EML5: variants seen among roughly 807,000 people sequenced by gnomAD.
The protein encoded by EML5 is echinoderm microtubule-associated protein-like 5.
EML5 carries 120 observed loss-of-function variants against 250.0 expected under a neutral mutation model. The observed-to-expected ratio is 0.48, with a 90% CI of 0.41 to 0.56. The LOEUF is 0.56. Among genes scored for constraint, EML5 ranks in the 20% least tolerant of loss-of-function variants. The pLI, the probability that EML5 is intolerant of heterozygous loss-of-function variation, is 0.00. For missense variants in EML5, 2,006 were observed against 2,437.6 expected, an observed-to-expected ratio of 0.82 and a Z score of 3.73; for synonymous variants, 771 against 806.5, an observed-to-expected ratio of 0.96 and a Z score of 0.75.
At chr14:88,714,206 T>C (rs1022887443) in intron 9 of EML5, among the ~76,000 whole-genome samples, 2 of 152,200 alleles carry the variant, frequency 1.3e-5, no homozygotes, top group Admixed American at 1.3e-4. Flanking sequence ...TTATATTCAC[T>C]TAATTAGTTC....
At chr14:88,704,183 A>G (rs1007799795) in intron 13 of EML5, among the ~76,000 whole-genome samples, 5 of 152,084 alleles carry the variant, frequency 3.3e-5, no homozygotes, top group Non-Finnish European at 7.4e-5. Flanking sequence ...CCCCTTGGTG[A>G]TGAGTGAGTT....
At chr14:88,631,239 G>A (rs752354768) in intron 33 of EML5, among the ~76,000 whole-genome samples, 7 of 152,264 alleles carry the variant, frequency 4.6e-5, no homozygotes, top group East Asian at 3.9e-4. Context: ...TTTGAGACAA[G>A]GTCTCACTCT....
rs748396293 is a variant in EML5, at chr14:88,616,826, T to A, written c.5696A>T (p.Asp1899Val). 22 of 1,613,826 alleles carry A rather than the reference T, an allele frequency of 1.4e-5. No individual in the cohort carries two copies. The highest frequency in any genetic ancestry group is 1.8e-5 in the Non-Finnish European group (21 of 1,179,858). Residue 1899 changes from aspartate (D) to valine (V), a missense_variant, in exon 42 of 44, where the codon GAT becomes GTT. Physicochemically the swap from Asp to Val is radical, Grantham distance 152 (BLOSUM62 -3). This residue lies in a region of EML5 where 405 missense variants were observed against 523.3 expected (regional missense o/e 0.77). Coordinates refer to ENST00000554922, the MANE Select transcript of EML5 (RefSeq NM_183387.3). Reference sequence around the variant, plus strand: ...ATGAGATACACAGGCACAGTTGACATCAGCTTTCTCAGCATGTCTGGACCA... The same window carrying A: ...ATGAGATACACAGGCACAGTTGACAACAGCTTTCTCAGCATGTCTGGACCA... ...GIWSRHAEKADVNCACVSHSG... is the reference protein window; with the variant it reads ...GIWSRHAEKAVVNCACVSHSG...
At chr14:88,623,017 C>CT (rs33958046) in intron 36 of EML5, 69,864 of 150,488 alleles carry the variant, frequency 0.46, 17,062 homozygotes, top group East Asian at 0.8. Context: ...TCTCATAATA[C>CT]TTTTTTTTTT....
At chr14:88,772,992 C>G (rs2094409785) in intron 1 of EML5, among the ~76,000 whole-genome samples, 1 of 152,204 alleles carries the variant, frequency 6.6e-6, no homozygotes, top group Admixed American at 6.5e-5. Context: ...CCTAGTCATC[C>G]CAACATATTC....
chr14:88,719,087 A>C (rs1370536497), intron 8 of EML5, among the ~76,000 whole-genome samples: 1 of 152,156 alleles, frequency 6.6e-6, no homozygotes, highest in African/African-American at 2.4e-5. Context: ...CATTGGTAGA[A>C]TCTAAAATGA....
In EML5 at chr14:88,754,576, A is replaced by G. The variant is rs746509622; in HGVS notation, c.293T>C (p.Ile98Thr). 4 of 1,613,528 alleles carry G rather than the reference A, an allele frequency of 2.5e-6. No individual in the cohort carries two copies. Among genetic ancestry groups the G allele is most frequent in the Non-Finnish European group, 3.4e-6 (4 of 1,179,726 alleles). ...CIWDSYTVQTISVLKDVHTHG... is the reference protein window; with the variant it reads ...CIWDSYTVQTTSVLKDVHTHG... ...TGTATGAACATCCTTTAAAACTGATATGGTCTGCACAGTGTATGAATCCCA... is the reference window on the plus strand; with the variant it reads ...TGTATGAACATCCTTTAAAACTGATGTGGTCTGCACAGTGTATGAATCCCA... Residue 98 changes from isoleucine to threonine, a missense_variant, in exon 2 of 44, where the codon ATA (isoleucine) becomes ACA (threonine). Physicochemically the swap from Ile to Thr is moderately conservative, Grantham distance 89 (BLOSUM62 -1). Coordinates refer to ENST00000554922, the MANE Select transcript of EML5 (RefSeq NM_183387.3).
intron 1 of EML5, among the ~76,000 whole-genome samples, chr14:88,791,073 A>G (rs2140901047): frequency 6.6e-6 from 1 of 151,128 alleles, no homozygotes; most frequent in East Asian, 1.9e-4. Context: ...TTACTCTGCA[A>G]TCTCAATTTT....
At chr14:88,647,733 CAG>C (rs918521607) in intron 28 of EML5, among the ~76,000 whole-genome samples, 2 of 111,032 alleles carry the variant, frequency 1.8e-5, no homozygotes, top group African/African-American at 6.9e-5. Flanking sequence ...TAATTAATAA[CAG>C]GGAATCACAA....
At chr14:88,734,399 G>A (rs996441040) in intron 7 of EML5, among the ~76,000 whole-genome samples, 19 of 152,040 alleles carry the variant, frequency 1.2e-4, no homozygotes, top group African/African-American at 4.1e-4. Flanking sequence ...CATTCTCAAC[G>A]GGGGCAATAT....
intron 21 of EML5, among the ~76,000 whole-genome samples, chr14:88,678,150 T>C (rs961331615): frequency 1.3e-5 from 2 of 152,104 alleles, no homozygotes; most frequent in African/African-American, 2.4e-5. Context: ...GGGGACATGA[T>C]GGAGCTGGAA....
chr14:88,727,896 AGAT>A (rs1338993305), intron 7 of EML5, among the ~76,000 whole-genome samples: 1 of 152,242 alleles, frequency 6.6e-6, no homozygotes, highest in African/African-American at 2.4e-5. Context: ...ACAACAAAAA[AGAT>A]AACTAGAAGA....
intron 7 of EML5, among the ~76,000 whole-genome samples, chr14:88,731,667 C>T (rs1466377412): frequency 2.0e-5 from 3 of 152,118 alleles, no homozygotes; most frequent in Non-Finnish European, 2.9e-5. Context: ...ATGGTTGAAC[C>T]AGTTTACAGT....
chr14:88,696,210 TA>T (rs1487758516), intron 15 of EML5, among the ~76,000 whole-genome samples: 2 of 151,842 alleles, frequency 1.3e-5, no homozygotes, highest in African/African-American at 2.4e-5. Flanking sequence ...CTACTATGGA[TA>T]ATTTATCACT....
In EML5 at chr14:88,614,234, TGTAAATACA is replaced by T. The variant is rs1453631626; in HGVS notation, c.*1575_*1583del. Reference sequence around the variant, plus strand: ...TTCCTCCTTTAATTTATTGACTGACTGTAAATACATGAGTAGAAACTTAATAGTCATGTA... The same window carrying T: ...TTCCTCCTTTAATTTATTGACTGACTTGAGTAGAAACTTAATAGTCATGTA... On this transcript the variant is annotated 3_prime_UTR_variant, in exon 44 of 44. Coordinates refer to ENST00000554922, the MANE Select transcript of EML5 (RefSeq NM_183387.3). 1 of 152,222 alleles carries T rather than the reference TGTAAATACA, an allele frequency of 6.6e-6. No homozygotes were observed. The highest frequency in any genetic ancestry group is 1.9e-4 in the East Asian group (1 of 5,202). 9.4% of individuals were successfully genotyped at this position (152,222 alleles called of 1,614,324 possible).
At chr14:88,771,729 T>C (rs61982732) in intron 1 of EML5, among the ~76,000 whole-genome samples, 25,786 of 152,154 alleles carry the variant, frequency 0.17, 2,876 homozygotes, top group African/African-American at 0.31. Context: ...CTGTATGTCC[T>C]TATTCCCCTC....
chr14:88,622,705 C>T lies in EML5; in HGVS notation c.4912G>A (p.Gly1638Arg). The T allele has an allele frequency of 6.2e-7, 1 of 1,606,810 alleles. No homozygotes were observed. Among genetic ancestry groups the T allele is most frequent in the South Asian group, 1.1e-5 (1 of 89,280 alleles). The change falls in exon 37 of 44, where the codon GGA becomes AGA. Residue 1638 changes from glycine (G) to arginine (R), a missense_variant. Coordinates refer to ENST00000554922, the MANE Select transcript of EML5 (RefSeq NM_183387.3). ...TCCTGATCCCACAGTTTAACCGCTC[C>T]TCCTTCTTTTGACCTAAGTAAATAA... The part of the protein sequence containing the change: ...GGKERPSKEG[G>R]AVKLWDQELR...
chr14:88,720,846 G>GT (rs1266381712), intron 8 of EML5, among the ~76,000 whole-genome samples: 1 of 152,124 alleles, frequency 6.6e-6, no homozygotes, highest in Non-Finnish European at 1.5e-5. Flanking sequence ...GTCTTTATTT[G>GT]CAGATGACAT....
chr14:88,788,676 A>G (rs1316863353), intron 1 of EML5, among the ~76,000 whole-genome samples: 1 of 152,190 alleles, frequency 6.6e-6, no homozygotes, highest in Non-Finnish European at 1.5e-5. Context: ...ACTGGTATAG[A>G]TTATTTGTAA....
Sources: allele counts gnomAD v4.1 joint callset (sites outside exome capture counted in the v4.1 genomes callset), GRCh38; gene constraint gnomAD v4.1.1; regional missense constraint gnomAD v4.1.1; transcripts MANE v1.5; gene names NCBI Gene and HGNC (gene_info 2026-07-23, HGNC 2026-07-21).